ADAM23: variants seen among roughly 807,000 people sequenced by gnomAD.
ADAM23 encodes the protein ADAM metallopeptidase domain 23, also known as disintegrin and metalloproteinase domain-containing protein 23.
A neutral mutation model predicts 120.1 loss-of-function variants in ADAM23; 33 were observed. The observed-to-expected ratio is 0.27, with a 90% CI of 0.21 to 0.37. ADAM23 has a LOEUF of 0.37. Among genes scored for constraint, ADAM23 ranks in the 10% least tolerant of loss-of-function variants. ADAM23 has a pLI of 1.00. For missense variants in ADAM23, 862 were observed against 1,058.2 expected, an observed-to-expected ratio of 0.81 and a Z score of 2.57; for synonymous variants, 367 against 375.2, an observed-to-expected ratio of 0.98 and a Z score of 0.25.
chr2:206,537,240 T>G (rs1437806011), intron 4 of ADAM23, among the ~76,000 whole-genome samples: 7 of 152,266 alleles, frequency 4.6e-5, no homozygotes, highest in African/African-American at 1.7e-4. Flanking sequence ...CCTTATCAAA[T>G]CATCATCACA....
intron 9 of ADAM23, among the ~76,000 whole-genome samples, chr2:206,554,703 C>T (rs1233033270): frequency 6.6e-6 from 1 of 152,146 alleles, no homozygotes. Context: ...TAAATTCTAG[C>T]TGTGTGATCT....
At chr2:206,596,899 C>CTTT (rs144070768) in intron 24 of ADAM23, among the ~76,000 whole-genome samples, 14 of 82,934 alleles carry the variant, frequency 1.7e-4, no homozygotes, top group East Asian at 4.1e-4. Flanking sequence ...ATTATATCAT[C>CTTT]TTTTTTTTTT....
chr2:206,556,168 T>C (rs897321049), intron 9 of ADAM23, among the ~76,000 whole-genome samples: 1 of 152,176 alleles, frequency 6.6e-6, no homozygotes. Context: ...CCAACAGTTA[T>C]GTATTCATGA....
At position 206,554,402 on chromosome 2, in the gene ADAM23, A is replaced by AT. The variant is rs1473395450; in HGVS notation, c.934-3019dup. On this transcript the variant is annotated intron_variant, in intron 9 of 25. Transcript: ENST00000264377. ...TTATTCTAATAGAAAATTGGTTGAG[A>AT]TTTTTTAAAGTGCATAAAGTGCATG... Among the ~76,000 whole-genome samples, 14 of 152,298 alleles carry AT rather than the reference A, an allele frequency of 9.2e-5. No homozygotes were observed. In the East Asian group the frequency reaches 1.9e-3, roughly 21 times the overall value.
intron 2 of ADAM23, among the ~76,000 whole-genome samples, chr2:206,480,448 A>T (rs1344320163): frequency 6.6e-6 from 1 of 150,540 alleles, no homozygotes; most frequent in African/African-American, 2.4e-5. Flanking sequence ...TAGGTGTTTC[A>T]TTTAGCCTTG....
At chr2:206,519,236 A>G (rs1020520506) in intron 3 of ADAM23, among the ~76,000 whole-genome samples, 1 of 152,180 alleles carries the variant, frequency 6.6e-6, no homozygotes, top group African/African-American at 2.4e-5. Flanking sequence ...CTGAATCTGA[A>G]AGTCCACACC....
At chr2:206,460,502 G>A (rs1695394102) in intron 2 of ADAM23, among the ~76,000 whole-genome samples, 1 of 152,104 alleles carries the variant, frequency 6.6e-6, no homozygotes, top group African/African-American at 2.4e-5. Context: ...ATCTTTTCAT[G>A]TGTTTATTGG....
At chr2:206,573,935 C>T (rs1698060493) in intron 18 of ADAM23, among the ~76,000 whole-genome samples, 1 of 152,020 alleles carries the variant, frequency 6.6e-6, no homozygotes, top group Non-Finnish European at 1.5e-5. Context: ...TCATCTGCCT[C>T]ATTAACAGAG....
At chr2:206,529,577 T>C (rs1430456565) in intron 3 of ADAM23, among the ~76,000 whole-genome samples, 1 of 152,046 alleles carries the variant, frequency 6.6e-6, no homozygotes, top group Non-Finnish European at 1.5e-5. Context: ...GTTTTAAATA[T>C]TTTGGAAATG....
At chr2:206,571,658 C>T (rs931963821) in intron 16 of ADAM23, 69 bp from the exon 17 acceptor site, 29 of 1,085,398 alleles carry the variant, frequency 2.7e-5, no homozygotes, top group Non-Finnish European at 3.1e-5. Context: ...ATGCATGCCA[C>T]GTGTGGAGAG....
intron 2 of ADAM23, among the ~76,000 whole-genome samples, chr2:206,478,603 A>G (rs1278148241): frequency 1.3e-5 from 2 of 152,116 alleles, no homozygotes; most frequent in African/African-American, 4.8e-5. Flanking sequence ...GAGAAGGCTC[A>G]TTGTCTTGGC....
At chr2:206,548,232 C>G (rs754624285) in intron 7 of ADAM23, 49 bp from the exon 8 acceptor site, 2 of 1,518,246 alleles carry the variant, frequency 1.3e-6, no homozygotes, top group Non-Finnish European at 1.8e-6. Context: ...AAAACATACT[C>G]CCATTGAAAT....
intron 4 of ADAM23, among the ~76,000 whole-genome samples, chr2:206,537,574 A>C (rs1449101942): frequency 1.3e-5 from 2 of 151,158 alleles, no homozygotes; most frequent in Non-Finnish European, 2.9e-5. Context: ...TATTTTTCTC[A>C]TTCCCTCTTC....
chr2:206,584,188 G>A (rs906071922), intron 18 of ADAM23, among the ~76,000 whole-genome samples: 3 of 152,194 alleles, frequency 2.0e-5, no homozygotes, highest in African/African-American at 4.8e-5. Context: ...GGGGTTGTCT[G>A]CACAGAGTTC....
chr2:206,541,855 AAC>A (rs985377468), intron 4 of ADAM23, among the ~76,000 whole-genome samples, 195 bp from the exon 5 acceptor site: 11 of 152,178 alleles, frequency 7.2e-5, no homozygotes. Flanking sequence ...CATTCAATTT[AAC>A]ACACACATGC....
At chr2:206,459,828 T>C (rs1341973850) in intron 2 of ADAM23, among the ~76,000 whole-genome samples, 1 of 152,190 alleles carries the variant, frequency 6.6e-6, no homozygotes, top group Non-Finnish European at 1.5e-5. Context: ...CTTCTCTTCC[T>C]CTCAAGCATC....
intron 2 of ADAM23, among the ~76,000 whole-genome samples, chr2:206,466,818 G>GA (rs533157154): frequency 4.9e-4 from 75 of 152,284 alleles, no homozygotes; most frequent in Middle Eastern, 6.8e-3. Flanking sequence ...CTCCAAGGGG[G>GA]ATGGCTCTGC....
intron 3 of ADAM23, among the ~76,000 whole-genome samples, chr2:206,512,627 G>C (rs1696646481): frequency 6.6e-6 from 1 of 152,204 alleles, no homozygotes; most frequent in South Asian, 2.1e-4. Context: ...TATTGTCTTT[G>C]ATGAAAAAAT....
At position 206,588,132 on chromosome 2, in the gene ADAM23, G is replaced by A; in HGVS notation, c.1830G>A (p.Gln610=). ...GCGAGTGCAAGACCAGAGACAACCA[G>A]TGTCAGTACATCTGGGGAACAAGTA... ...YNGECKTRDN[Q]CQYIWGTKAA... is the part of the protein sequence containing the mutation. Residue 610 remains glutamine, a synonymous_variant, in exon 20 of 26, where the codon CAG becomes CAA. Coordinates refer to ENST00000264377, the MANE Select transcript of ADAM23 (RefSeq NM_003812.4). 1 of 1,614,080 alleles carries A rather than the reference G, an allele frequency of 6.2e-7. No individual in the cohort carries two copies. Among genetic ancestry groups the A allele is most frequent in the Non-Finnish European group, 8.5e-7 (1 of 1,179,952 alleles).
Sources: allele counts gnomAD v4.1 joint callset (sites outside exome capture counted in the v4.1 genomes callset), GRCh38; gene constraint gnomAD v4.1.1; transcripts MANE v1.5; gene names NCBI Gene and HGNC (gene_info 2026-07-23, HGNC 2026-07-21).